The following KLHDC1 variants were observed in gnomAD, a reference collection of about 807,000 sequenced individuals.
The protein encoded by KLHDC1 is kelch domain-containing protein 1.
Under a neutral mutation model 68.3 loss-of-function variants are expected in KLHDC1, and 53 were observed. That is an observed-to-expected ratio of 0.78 (90% CI 0.62 to 0.98). The LOEUF (loss-of-function observed/expected upper bound fraction) is 0.98. Among genes scored for constraint, KLHDC1 ranks in the 50% least tolerant of loss-of-function variants. The probability of loss-of-function intolerance (pLI) is 0.00; values close to 1 mark genes in which losing one functional copy is unlikely to be tolerated. For synonymous variants in KLHDC1, 148 were observed against 159.0 expected (o/e 0.93, Z 0.52); for missense variants, 470 against 492.3 (o/e 0.95, Z 0.43).
At chr14:49,720,147 C>T (rs927309819) in intron 4 of KLHDC1, among the ~76,000 whole-genome samples, 63 of 152,256 alleles carry the variant, frequency 4.1e-4, no homozygotes, top group African/African-American at 1.5e-3. Flanking sequence ...CCACCAAACC[C>T]GGCTAATTTT....
Position 49,751,768 on chromosome 14 carries a change from A to G in KLHDC1, c.1217A>G (p.Asn406Ser), listed in dbSNP as rs755293371. 3 of 1,531,214 alleles carry G rather than the reference A, an allele frequency of 2.0e-6. No individual in the cohort carries two copies. The Admixed American group carries it at 5.4e-5, about 28-fold the overall frequency. The allele number at this position is 1,531,214 out of a possible 1,614,324, so 94.9% of individuals were successfully genotyped here. A position where few individuals can be genotyped will look rare whatever the true frequency, so the allele number is the denominator to read the frequency against. Residue 406 changes from asparagine (N) to serine (S), a missense_variant, in exon 13 of 13, where the codon AAT (asparagine) becomes AGT (serine). Physicochemically the swap from Asn to Ser is conservative, Grantham distance 46. Coordinates refer to ENST00000359332, the MANE Select transcript of KLHDC1 (RefSeq NM_172193.3). ...TENKYQWISS[N>S] Reference sequence around the variant, plus strand: ...AATAAATATCAGTGGATCAGTAGCAATTAAATTGTTATATACTTTACATAT... The same window carrying G: ...AATAAATATCAGTGGATCAGTAGCAGTTAAATTGTTATATACTTTACATAT...
At chr14:49,694,564 A>G (rs1377882558) in intron 1 of KLHDC1, among the ~76,000 whole-genome samples, 1 of 152,160 alleles carries the variant, frequency 6.6e-6, no homozygotes, top group Non-Finnish European at 1.5e-5. Flanking sequence ...AAAAAAATGT[A>G]CATACCTGGC....
rs185974547 is a variant in KLHDC1 at position 49,732,704 on chromosome 14, G to A, written c.711G>A (p.Arg237=). The change falls in exon 9 of 13, where the codon AGG becomes AGA. Residue 237 remains arginine (R), a splice_region_variant and synonymous_variant. Coordinates refer to ENST00000359332, the MANE Select transcript of KLHDC1 (RefSeq NM_172193.3). ...GACTTTCTTTTTCTCCTTGCCACAG[G>A]ATTACTATTAATGGAGAAAGCCCAA... ...LNLDTWTWSG[R]ITINGESPKH... The A allele has an allele frequency of 1.4e-6, 2 of 1,469,202 alleles. No individual in the cohort carries two copies. The highest frequency in any genetic ancestry group is 4.5e-5 in the East Asian group (2 of 44,144). The allele number at this position is 1,469,202 out of a possible 1,614,324, so 91.0% of individuals were successfully genotyped here. A position where few individuals can be genotyped will look rare whatever the true frequency, so the allele number is the denominator to read the frequency against.
intron 4 of KLHDC1, among the ~76,000 whole-genome samples, chr14:49,719,204 T>C (rs1888464087): frequency 6.6e-6 from 1 of 152,136 alleles, no homozygotes; most frequent in Non-Finnish European, 1.5e-5. Flanking sequence ...TGTACAGTTA[T>C]GTTATGGATT....
chr14:49,708,353 G>GT (rs1566599108), intron 1 of KLHDC1: 2 of 152,134 alleles, frequency 1.3e-5, no homozygotes. Flanking sequence ...GAATTGTACT[G>GT]TGCTGGGATT....
intron 5 of KLHDC1, 114 bp downstream of exon 5, chr14:49,724,066 C>T (rs1024768310): frequency 2.1e-5 from 13 of 605,078 alleles, no homozygotes; most frequent in African/African-American, 5.7e-5. Context: ...TCGTAATTGA[C>T]GCTATGAAAA....
intron 10 of KLHDC1, among the ~76,000 whole-genome samples, chr14:49,738,559 A>G (rs1464301081): frequency 3.3e-5 from 5 of 152,078 alleles, no homozygotes; most frequent in African/African-American, 7.2e-5. Context: ...CATGTTGGCC[A>G]AGCTAGTCTT....
chr14:49,741,481 A>AT (rs1335531958), intron 11 of KLHDC1, among the ~76,000 whole-genome samples: 4 of 151,542 alleles, frequency 2.6e-5, no homozygotes, highest in Admixed American at 6.6e-5. Flanking sequence ...AATTTTTTGT[A>AT]TTTTTAGTAG....
At chr14:49,748,804 T>G (rs1314800507) in intron 12 of KLHDC1, among the ~76,000 whole-genome samples, 2 of 147,898 alleles carry the variant, frequency 1.4e-5, no homozygotes, top group African/African-American at 5.0e-5. Context: ...ATTTTTTTTC[T>G]TTTTTTTTTC....
At chr14:49,734,097 T>C (rs2139760845) in intron 9 of KLHDC1, among the ~76,000 whole-genome samples, 1 of 152,320 alleles carries the variant, frequency 6.6e-6, no homozygotes, top group African/African-American at 2.4e-5. Flanking sequence ...CTGTTTTTGG[T>C]CATTGACCTA....
intron 12 of KLHDC1, among the ~76,000 whole-genome samples, 177 bp from the exon 13 acceptor site, chr14:49,751,409 T>A (rs1240614125): frequency 1.3e-5 from 2 of 152,030 alleles, no homozygotes; most frequent in Non-Finnish European, 2.9e-5. Context: ...TATCAAAACA[T>A]CTCATGTACC....
chr14:49,731,551 C>A (rs1449623341), intron 8 of KLHDC1, among the ~76,000 whole-genome samples: 1 of 152,028 alleles, frequency 6.6e-6, no homozygotes. Flanking sequence ...CTCACTACAA[C>A]CTCCACCTCC....
chr14:49,750,315 A>T (rs1270487970), intron 12 of KLHDC1, among the ~76,000 whole-genome samples: 3 of 152,150 alleles, frequency 2.0e-5, no homozygotes, highest in Non-Finnish European at 4.4e-5. Flanking sequence ...GGGCTTTGCA[A>T]ATGTGGTTCT....
At chr14:49,699,189 T>G (rs1296129058) in intron 1 of KLHDC1, among the ~76,000 whole-genome samples, 1 of 150,384 alleles carries the variant, frequency 6.6e-6, no homozygotes, top group Non-Finnish European at 1.5e-5. Context: ...AAAATCACAG[T>G]TCTTCAGGTG....
intron 4 of KLHDC1, among the ~76,000 whole-genome samples, chr14:49,712,830 G>A (rs539548007): frequency 1.9e-3 from 286 of 151,916 alleles, no homozygotes; most frequent in Non-Finnish European, 3.3e-3. Flanking sequence ...AGTAGAGACA[G>A]GGTTTCACCA....
At chr14:49,724,607 T>C (rs888201544) in intron 5 of KLHDC1, among the ~76,000 whole-genome samples, 21 of 152,060 alleles carry the variant, frequency 1.4e-4, no homozygotes, top group African/African-American at 4.8e-4. Context: ...TATATGGGTA[T>C]TATTGAAAAT....
chr14:49,732,334 A>G (rs1412169564), intron 8 of KLHDC1, among the ~76,000 whole-genome samples: 3 of 152,152 alleles, frequency 2.0e-5, no homozygotes, highest in African/African-American at 7.2e-5. Flanking sequence ...CACCAGGCCC[A>G]GCTAATTTTT....
intron 1 of KLHDC1, among the ~76,000 whole-genome samples, chr14:49,702,498 G>A (rs1887936096): frequency 6.6e-6 from 1 of 152,126 alleles, no homozygotes; most frequent in Non-Finnish European, 1.5e-5. Context: ...GGTCATCTAT[G>A]TTATATGGAA....
At chr14:49,743,412 A>G (rs889048235) in intron 11 of KLHDC1, among the ~76,000 whole-genome samples, 24 of 151,210 alleles carry the variant, frequency 1.6e-4, no homozygotes, top group African/African-American at 2.2e-4. Context: ...AAAAAAAAAA[A>G]AAAAGAAAAG....
Sources: allele counts gnomAD v4.1 joint callset (sites outside exome capture counted in the v4.1 genomes callset), GRCh38; gene constraint gnomAD v4.1.1; transcripts MANE v1.5; gene names NCBI Gene and HGNC (gene_info 2026-07-23, HGNC 2026-07-21).